The following TMEM71 variants were observed in gnomAD, a reference collection of about 807,000 sequenced individuals.
The protein encoded by TMEM71 is transmembrane protein 71.
A neutral mutation model predicts 38.0 loss-of-function variants in TMEM71; 44 were observed. That is an observed-to-expected ratio of 1.16 (90% CI 0.91 to 1.49). The LOEUF is 1.49. Ranked by LOEUF, TMEM71 falls within the 40% of genes most tolerant of loss-of-function variation. The pLI is 0.00. For synonymous variants in TMEM71, 133 were observed against 122.5 expected (o/e 1.09, Z -0.56); for missense variants, 367 against 348.6 (o/e 1.05, Z -0.42).
rs1325346323 is a variant in TMEM71, at chr8:132,756,418, TA to T, written c.101+815del. On this transcript the variant is annotated intron_variant, in intron 3 of 9. Transcript: ENST00000677595. ...TTGACACTAACATATATATTATATA[TA>T]TATATATATATATATATATATATTC... Among the ~76,000 whole-genome samples, 4 of 70,666 alleles carry T rather than the reference TA, an allele frequency of 5.7e-5. No individual in the cohort carries two copies. The East Asian group carries it at 1.9e-3, about 34-fold the overall frequency. 46.4% of individuals were successfully genotyped at this position (70,666 alleles called of 152,430 possible). A position where few individuals can be genotyped will look rare whatever the true frequency, so the allele number is the denominator to read the frequency against.
At chr8:132,770,105 C>A in the TMEM71 span, among the ~76,000 whole-genome samples, 20 of 152,274 alleles carry the variant, frequency 1.3e-4, no homozygotes, top group East Asian at 3.3e-3. Flanking sequence ...GTTGTAGAGA[C>A]TATCTCTAAA....
At chr8:132,714,924 A>G (rs1826422129) in intron 7 of TMEM71, among the ~76,000 whole-genome samples, 1 of 152,096 alleles carries the variant, frequency 6.6e-6, no homozygotes, top group African/African-American at 2.4e-5. Context: ...ACACTTCACC[A>G]AAGAATATAT....
intron 9 of TMEM71, 122 bp from the exon 10 acceptor site, chr8:132,711,104 C>T (rs533561839): frequency 2.2e-5 from 19 of 865,148 alleles, no homozygotes; most frequent in South Asian, 5.2e-5. Context: ...ATACCCACAA[C>T]GGGCCTGAAT....
chr8:132,758,939 G>A lies in TMEM71; in HGVS notation c.-36-24C>T, dbSNP rs1273575551. ...CTCTGCAAAAGATGTTAAAAAAAAG[G>A]TGGACTATATATTAAAAATAGAAAA... On this transcript the variant is annotated intron_variant, in intron 1 of 9. Coordinates refer to ENST00000677595, the MANE Select transcript of TMEM71 (RefSeq NM_001382403.1). The A allele has an allele frequency of 2.0e-6, 3 of 1,469,830 alleles. No individual in the cohort carries two copies. The African/African-American group carries it at 4.2e-5, about 20-fold the overall frequency. 91.0% of individuals were successfully genotyped at this position (1,469,830 alleles called of 1,614,324 possible). A position where few individuals can be genotyped will look rare whatever the true frequency, so the allele number is the denominator to read the frequency against.
At chr8:132,739,583 T>A (rs1261809013) in intron 5 of TMEM71, among the ~76,000 whole-genome samples, 3 of 152,154 alleles carry the variant, frequency 2.0e-5, no homozygotes, top group African/African-American at 7.2e-5. Context: ...AGTGCTGGGA[T>A]TACAGGAGTG....
In TMEM71 at chr8:132,731,990, C is replaced by T. The variant is rs376397070; in HGVS notation, c.488-4004G>A. On this transcript the variant is annotated intron_variant, in intron 5 of 9. Coordinates refer to ENST00000677595, the MANE Select transcript of TMEM71 (RefSeq NM_001382403.1). The stretch of plus-strand genomic sequence containing the variant: ...ATTGGGAGGTGGAGCAAAAGTAAGG[C>T]GGGAGGCAAAAGCTGCATGGATACG... 7.2e-5 allele frequency among the ~76,000 whole-genome samples: 11 copies of T among 152,154 alleles called. No homozygotes were observed. In the South Asian group the frequency reaches 1.2e-3, roughly 17 times the overall value.
At chr8:132,721,402 C>T (rs922730080) in intron 7 of TMEM71, among the ~76,000 whole-genome samples, 8 of 152,162 alleles carry the variant, frequency 5.3e-5, no homozygotes, top group African/African-American at 1.9e-4. Flanking sequence ...CTTCAAGTGG[C>T]TTTAAACTCC....
At chr8:132,718,957 A>C (rs1393292278) in intron 7 of TMEM71, among the ~76,000 whole-genome samples, 4 of 152,244 alleles carry the variant, frequency 2.6e-5, no homozygotes, top group Non-Finnish European at 5.9e-5. Flanking sequence ...GAAAAATCCC[A>C]CCATATGGAA....
chr8:132,760,045 T>C (rs1829244749), intron 1 of TMEM71, among the ~76,000 whole-genome samples: 1 of 152,204 alleles, frequency 6.6e-6, no homozygotes, highest in Non-Finnish European at 1.5e-5. Flanking sequence ...AATTACCTTA[T>C]TTTAGTGTTC....
At chr8:132,763,514 C>T (rs770753869), upstream of TMEM71, among the ~76,000 whole-genome samples, 7 of 152,116 alleles carry the variant, frequency 4.6e-5, no homozygotes, top group Non-Finnish European at 8.8e-5. Flanking sequence ...GGAGGTGATG[C>T]GTGTGGATGG....
upstream of TMEM71, among the ~76,000 whole-genome samples, chr8:132,764,769 T>A (rs937045991): frequency 2.6e-5 from 4 of 152,208 alleles, no homozygotes; most frequent in African/African-American, 9.7e-5. Flanking sequence ...AGAGGATGCA[T>A]CACAATTGGA....
At chr8:132,709,925 T>TAC (rs971030239), downstream of TMEM71, 1 of 151,994 alleles carries the variant, frequency 6.6e-6, no homozygotes, top group African/African-American at 2.4e-5. Flanking sequence ...CATATATATA[T>TAC]ACACACACAC....
intron 3 of TMEM71, among the ~76,000 whole-genome samples, chr8:132,752,777 A>G (rs1016073704): frequency 2.0e-5 from 3 of 150,044 alleles, no homozygotes; most frequent in African/African-American, 7.5e-5. Flanking sequence ...AGAGAAAAAA[A>G]AAAGGGAGAG....
intron 5 of TMEM71, among the ~76,000 whole-genome samples, chr8:132,743,808 A>G (rs1828185388): frequency 6.6e-6 from 1 of 152,116 alleles, no homozygotes; most frequent in African/African-American, 2.4e-5. Context: ...ACTGTGTTTC[A>G]AACCATGCAT....
intron 6 of TMEM71, among the ~76,000 whole-genome samples, chr8:132,724,492 G>C (rs1306841707): frequency 6.6e-6 from 1 of 152,116 alleles, no homozygotes; most frequent in East Asian, 1.9e-4. Flanking sequence ...ATATATAGCT[G>C]TTTTTGCCCG....
At chr8:132,736,458 C>G (rs2131102917) in intron 5 of TMEM71, among the ~76,000 whole-genome samples, 1 of 152,160 alleles carries the variant, frequency 6.6e-6, no homozygotes, top group South Asian at 2.1e-4. Context: ...TCCAGTCAGA[C>G]AGGATGAAAA....
intron 4 of TMEM71, among the ~76,000 whole-genome samples, chr8:132,748,161 A>T (rs1184800389): frequency 6.6e-6 from 1 of 152,242 alleles, no homozygotes; most frequent in Non-Finnish European, 1.5e-5. Context: ...GGCATGGAAC[A>T]GTTTTCCCAT....
rs1217636463 is a variant in TMEM71, at chr8:132,746,414, C to T, written c.487+528G>A. Among the ~76,000 whole-genome samples the T allele has an allele frequency of 1.4e-3, 14 of 9,826 alleles. No individual in the cohort carries two copies. In the East Asian group the frequency reaches 0.083, roughly 58 times the overall value. 6.4% of individuals were successfully genotyped at this position (9,826 alleles called of 152,430 possible). A position where few individuals can be genotyped will look rare whatever the true frequency, so the allele number is the denominator to read the frequency against. On this transcript the variant is annotated intron_variant, in intron 5 of 9. Coordinates refer to ENST00000677595, the MANE Select transcript of TMEM71 (RefSeq NM_001382403.1). ...ATATATATATACATATATATATACA[C>T]ACACATATATATACATATATATATA...
intron 7 of TMEM71, among the ~76,000 whole-genome samples, chr8:132,720,971 C>T (rs1826809110): frequency 6.6e-6 from 1 of 152,186 alleles, no homozygotes; most frequent in South Asian, 2.1e-4. Context: ...CTAATCATGT[C>T]ACAGGTCAGG....
Sources: gnomAD v4.1 joint callset for allele counts (sites outside exome capture counted in the v4.1 genomes callset) on GRCh38, gnomAD v4.1.1 for gene constraint, MANE v1.5 for transcripts, NCBI Gene and HGNC (gene_info 2026-07-23, HGNC 2026-07-21) for gene names.